Variants in SORBS2 observed in about 807,000 individuals in gnomAD.
SORBS2 encodes sorbin and SH3 domain-containing protein 2.
SORBS2 carries 46 observed loss-of-function variants against 97.7 expected under a neutral mutation model. The observed-to-expected ratio is 0.47, with a 90% CI of 0.37 to 0.60. The LOEUF (loss-of-function observed/expected upper bound fraction) is 0.60. Ranked by LOEUF, SORBS2 falls within the 20% of genes least tolerant of loss-of-function variation. The probability of loss-of-function intolerance (pLI) is 0.00; values close to 1 mark genes in which losing one functional copy is unlikely to be tolerated. For missense variants in SORBS2, 1,316 were observed against 1,282.3 expected, an observed-to-expected ratio of 1.03 and a Z score of -0.40; for synonymous variants, 476 against 473.4, an observed-to-expected ratio of 1.01 and a Z score of -0.07.
intron 2 of SORBS2, among the ~76,000 whole-genome samples, chr4:185,769,354 G>T (rs1307726443): frequency 1.3e-5 from 2 of 152,106 alleles, no homozygotes; most frequent in Non-Finnish European, 2.9e-5. Context: ...GAAAGCAAAG[G>T]CATCAATATC....
chr4:185,671,719 T>A (rs146030791), intron 4 of SORBS2, among the ~76,000 whole-genome samples: 1 of 152,284 alleles, frequency 6.6e-6, no homozygotes, highest in Non-Finnish European at 1.5e-5. Context: ...GAACATTCTG[T>A]CTCTTTTGCT....
At chr4:185,722,822 A>G (rs1013081385) in intron 2 of SORBS2, among the ~76,000 whole-genome samples, 4 of 152,242 alleles carry the variant, frequency 2.6e-5, no homozygotes, top group African/African-American at 9.6e-5. Context: ...AAGCCTACCC[A>G]AAGTGCCCAG....
chr4:185,613,793 A>C (rs1293566161), intron 11 of SORBS2, among the ~76,000 whole-genome samples: 2 of 152,110 alleles, frequency 1.3e-5, no homozygotes, highest in Non-Finnish European at 2.9e-5. Context: ...ATGGAACAGG[A>C]GACAGAGTTC....
At chr4:185,793,780 T>G (rs1305486080) in intron 1 of SORBS2, among the ~76,000 whole-genome samples, 2 of 152,192 alleles carry the variant, frequency 1.3e-5, no homozygotes, top group African/African-American at 4.8e-5. Flanking sequence ...GAGGTATCCT[T>G]TGCACAAATT....
chr4:185,720,082 G>A (rs1178282227), intron 2 of SORBS2, among the ~76,000 whole-genome samples: 1 of 152,180 alleles, frequency 6.6e-6, no homozygotes, highest in African/African-American at 2.4e-5. Context: ...CAGGAGCTGG[G>A]GCAGCCCTCT....
intron 1 of SORBS2, among the ~76,000 whole-genome samples, chr4:185,656,104 C>A (rs1021015527): frequency 6.6e-6 from 1 of 152,164 alleles, no homozygotes; most frequent in East Asian, 1.9e-4. Flanking sequence ...TCACCAGAAA[C>A]ATGTAATCAT....
At chr4:185,641,175 C>T (rs933809583) in intron 4 of SORBS2, among the ~76,000 whole-genome samples, 4 of 152,052 alleles carry the variant, frequency 2.6e-5, no homozygotes, top group Admixed American at 2.6e-4. Context: ...TACCATCTTG[C>T]ATCATACCTT....
intron 1 of SORBS2, among the ~76,000 whole-genome samples, chr4:185,891,658 A>C (rs2099242587): frequency 6.6e-6 from 1 of 152,154 alleles, no homozygotes; most frequent in Non-Finnish European, 1.5e-5. Flanking sequence ...CTGGCCTGTC[A>C]AACTATCCTT....
intron 4 of SORBS2, among the ~76,000 whole-genome samples, chr4:185,636,981 A>G (rs1381641481): frequency 6.6e-6 from 1 of 152,216 alleles, no homozygotes. Context: ...AGGCTAAGCA[A>G]TAAGGCCCAA....
rs773852791 is a variant in SORBS2 at position 185,626,984 on chromosome 4, C to G, written c.482G>C (p.Arg161Thr). Residue 161 changes from arginine (R) to threonine (T), a missense_variant, in exon 6 of 15, where the codon AGG becomes ACG. Arg to Thr is a moderately conservative substitution (Grantham distance 71). Coordinates refer to ENST00000418609, the Ensembl canonical transcript of SORBS2. ...TGGACCCACTGCAGGCTCGCTCTTC[C>G]TCCGCTTCCTGAAGTCACTGGCCAT... 1 of 1,614,198 alleles carries G rather than the reference C, an allele frequency of 6.2e-7. No individual in the cohort carries two copies.
At chr4:185,619,970 C>A (rs568054956) in intron 8 of SORBS2, 93 bp downstream of exon 20, 30 of 805,128 alleles carry the variant, frequency 3.7e-5, no homozygotes, top group Non-Finnish European at 6.7e-6. Context: ...ATTTCCTGTC[C>A]GAGTTCGTTA....
At chr4:185,588,999 G>T (rs1000892892) in intron 14 of SORBS2, among the ~76,000 whole-genome samples, 3 of 152,062 alleles carry the variant, frequency 2.0e-5, no homozygotes, top group Admixed American at 2.0e-4. Context: ...GCCACCGATG[G>T]ATGTCTAGAG....
rs559348335 is a variant in SORBS2, at chr4:185,698,173, G to A, written c.-197-19351C>T. 2.1e-4 allele frequency among the ~76,000 whole-genome samples: 32 copies of A among 152,258 alleles called. 1 individual carries two copies. In the South Asian group the frequency reaches 6.4e-3, roughly 31 times the overall value. On this transcript the variant is annotated intron_variant, in intron 2 of 20. Coordinates refer to the SORBS2 transcript ENST00000284776. ...ATCCTCCTTTAAGGAATCTTAAAAC[G>A]TCATTTGAAATCAAGATCTTGGCCA...
chr4:185,875,294 T>C (rs1485832683), intron 1 of SORBS2, among the ~76,000 whole-genome samples: 1 of 152,234 alleles, frequency 6.6e-6, no homozygotes, highest in Admixed American at 6.5e-5. Flanking sequence ...GATACATATG[T>C]TCATTAGCTT....
intron 2 of SORBS2, among the ~76,000 whole-genome samples, chr4:185,746,644 G>A (rs2098762967): frequency 6.6e-6 from 1 of 152,146 alleles, no homozygotes; most frequent in African/African-American, 2.4e-5. Context: ...TCTTAGGTGG[G>A]AATGGAGTTA....
chr4:185,674,711 T>C (rs2097768101), intron 4 of SORBS2, among the ~76,000 whole-genome samples: 1 of 152,084 alleles, frequency 6.6e-6, no homozygotes, highest in Non-Finnish European at 1.5e-5. Flanking sequence ...TCTCCCTCCC[T>C]CAGGCTTCCT....
At position 185,750,986 on chromosome 4, in the gene SORBS2, CA is replaced by C. The variant is rs372301367; in HGVS notation, c.-198+24240del. ...TGATATATAAGGCACTTTAGCGATC[CA>C]AAAAAAATTTACAATATAGTTTCTG... is the stretch of plus-strand genomic sequence containing the variant. On this transcript the variant is annotated intron_variant, in intron 2 of 20. Transcript: ENST00000284776. 7.6e-3 allele frequency among the ~76,000 whole-genome samples: 1,147 copies of C among 150,450 alleles called. 15 individuals carry two copies. Among genetic ancestry groups the C allele is most frequent in the African/African-American group, 0.027 (1,105 of 41,076 alleles).
chr4:185,664,674 C>A (rs528979412), intron 4 of SORBS2, among the ~76,000 whole-genome samples: 2 of 152,208 alleles, frequency 1.3e-5, no homozygotes. Flanking sequence ...TGGGGGAATA[C>A]CAAATCCCAT....
intron 1 of SORBS2, among the ~76,000 whole-genome samples, chr4:185,782,862 T>C (rs2099037790): frequency 6.6e-6 from 1 of 152,212 alleles, no homozygotes; most frequent in Non-Finnish European, 1.5e-5. Context: ...TGCATTTATT[T>C]GAAAGGAGCT....
Sources: gnomAD v4.1 joint callset for allele counts (sites outside exome capture counted in the v4.1 genomes callset) on GRCh38, gnomAD v4.1.1 for gene constraint, MANE v1.5 for transcripts, NCBI Gene and HGNC (gene_info 2026-07-23, HGNC 2026-07-21) for gene names.